UNC5C: variants seen among roughly 807,000 people sequenced by gnomAD.
UNC5C encodes unc-5 netrin receptor C.
In UNC5C, 47 loss-of-function variants were observed where a neutral mutation model predicts 99.8. That is an observed-to-expected ratio of 0.47 (90% CI 0.37 to 0.60). The LOEUF (loss-of-function observed/expected upper bound fraction) is 0.60, where lower values mean the gene tolerates loss of function less well. UNC5C is among the 20% of genes least tolerant of loss of function. UNC5C has a pLI of 0.00. For synonymous variants in UNC5C, 487 were observed against 452.2 expected (o/e 1.08, Z -0.98); for missense variants, 1,062 against 1,165.9 (o/e 0.91, Z 1.30).
chr4:95,248,446 C>T, intron 5 of UNC5C: 1 of 424,146 alleles, frequency 2.4e-6, no homozygotes, highest in East Asian at 7.1e-5. Flanking sequence ...AAGATCGATA[C>T]AGAATTATCT....
chr4:95,531,865 C>A (rs1386537203), intron 1 of UNC5C, among the ~76,000 whole-genome samples: 1 of 152,150 alleles, frequency 6.6e-6, no homozygotes, highest in African/African-American at 2.4e-5. Flanking sequence ...TGATTTTTGG[C>A]ACAACAATAA....
At chr4:95,255,316 A>G (rs1358314617) in intron 4 of UNC5C, among the ~76,000 whole-genome samples, 1 of 152,084 alleles carries the variant, frequency 6.6e-6, no homozygotes, top group African/African-American at 2.4e-5. Context: ...CATGGGTGTA[A>G]ATAGCCATGG....
intron 2 of UNC5C, among the ~76,000 whole-genome samples, chr4:95,327,959 C>T (rs1236248160): frequency 4.0e-5 from 6 of 151,432 alleles, no homozygotes; most frequent in African/African-American, 1.5e-4. Context: ...AACATTTAAG[C>T]CATCCGTGGA....
At chr4:95,401,367 T>C (rs138491100) in intron 1 of UNC5C, among the ~76,000 whole-genome samples, 3 of 152,114 alleles carry the variant, frequency 2.0e-5, no homozygotes, top group Non-Finnish European at 4.4e-5. Flanking sequence ...GCTGTGATGA[T>C]GGCTCACTGC....
chr4:95,198,351 A>C (rs1311114376), intron 12 of UNC5C, among the ~76,000 whole-genome samples: 3 of 152,118 alleles, frequency 2.0e-5, no homozygotes, highest in Non-Finnish European at 4.4e-5. Context: ...GAGAGATGGA[A>C]GGTCAGATGG....
intron 1 of UNC5C, among the ~76,000 whole-genome samples, chr4:95,353,051 C>G (rs995218044): frequency 2.0e-5 from 3 of 152,122 alleles, no homozygotes; most frequent in Non-Finnish European, 4.4e-5. Flanking sequence ...ATCAATATAG[C>G]CTTTAAAATT....
intron 1 of UNC5C, among the ~76,000 whole-genome samples, chr4:95,548,330 C>T (rs999068664): frequency 4.6e-5 from 7 of 152,048 alleles, no homozygotes; most frequent in Non-Finnish European, 8.8e-5. Flanking sequence ...GCGCATCATG[C>T]GCTTCGGGGT....
At chr4:95,470,516 C>T (rs1747935557) in intron 1 of UNC5C, among the ~76,000 whole-genome samples, 1 of 151,988 alleles carries the variant, frequency 6.6e-6, no homozygotes, top group Admixed American at 6.6e-5. Flanking sequence ...TTGGAAGGGG[C>T]AGCCCACCTT....
chr4:95,502,551 G>T (rs1054518527), intron 1 of UNC5C, among the ~76,000 whole-genome samples: 1 of 152,116 alleles, frequency 6.6e-6, no homozygotes, highest in African/African-American at 2.4e-5. Context: ...GAGATTATAG[G>T]GGTGTGCTCG....
At chr4:95,384,830 A>G (rs1745169735) in intron 1 of UNC5C, among the ~76,000 whole-genome samples, 1 of 152,168 alleles carries the variant, frequency 6.6e-6, no homozygotes, top group African/African-American at 2.4e-5. Flanking sequence ...AGAAGAGGGA[A>G]CAAAATTTAA....
intron 1 of UNC5C, among the ~76,000 whole-genome samples, chr4:95,409,626 A>AT: frequency 6.6e-6 from 1 of 152,244 alleles, no homozygotes; most frequent in East Asian, 1.9e-4. Context: ...GGTGGGCACA[A>AT]TTTTTTGGTA....
At chr4:95,444,828 C>T (rs1162347839) in intron 1 of UNC5C, among the ~76,000 whole-genome samples, 1 of 152,168 alleles carries the variant, frequency 6.6e-6, no homozygotes, top group East Asian at 1.9e-4. Flanking sequence ...CAGTCTGCAA[C>T]TCCGCGATTT....
intron 1 of UNC5C, among the ~76,000 whole-genome samples, chr4:95,493,904 C>G (rs2149482182): frequency 6.6e-6 from 1 of 151,548 alleles, no homozygotes; most frequent in South Asian, 2.1e-4. Flanking sequence ...CTACTATGTA[C>G]AGTTAATATT....
chr4:95,428,034 A>G (rs1746532114), intron 1 of UNC5C, among the ~76,000 whole-genome samples: 1 of 150,050 alleles, frequency 6.7e-6, no homozygotes, highest in Admixed American at 6.6e-5. Context: ...TTTCTACTCT[A>G]TGTTAACTAT....
rs190240507 is a variant in UNC5C, at chr4:95,538,725, C to A, written c.124+10009G>T. On this transcript the variant is annotated intron_variant, in intron 1 of 15. Coordinates refer to ENST00000453304, the MANE Select transcript of UNC5C (RefSeq NM_003728.4). ...TGCCAAGTGATATGGGAATGTATGACAATAATAATCAATATATGTTTATAT... is the reference window on the plus strand; with the variant it reads ...TGCCAAGTGATATGGGAATGTATGAAAATAATAATCAATATATGTTTATAT... 1.6e-4 allele frequency among the ~76,000 whole-genome samples: 25 copies of A among 152,030 alleles called. No individual in the cohort carries two copies. The East Asian group carries it at 2.5e-3, about 15-fold the overall frequency.
chr4:95,290,777 G>A (rs565717664), intron 3 of UNC5C, among the ~76,000 whole-genome samples: 3 of 152,258 alleles, frequency 2.0e-5, no homozygotes, highest in Non-Finnish European at 4.4e-5. Flanking sequence ...TTTTATAACC[G>A]CATTTTGCTT....
chr4:95,375,732 C>T (rs1261537163), intron 1 of UNC5C, among the ~76,000 whole-genome samples: 1 of 152,108 alleles, frequency 6.6e-6, no homozygotes, highest in Admixed American at 6.6e-5. Flanking sequence ...TAAGCATGCT[C>T]ATTATTTAGC....
At chr4:95,277,325 A>T (rs1270104778) in intron 4 of UNC5C, among the ~76,000 whole-genome samples, 2 of 152,214 alleles carry the variant, frequency 1.3e-5, no homozygotes. Context: ...TTGGAGGCCA[A>T]CAAGGACCAC....
chr4:95,292,139 C>T (rs1008933453), intron 3 of UNC5C, among the ~76,000 whole-genome samples: 4 of 150,114 alleles, frequency 2.7e-5, no homozygotes, highest in African/African-American at 9.8e-5. Flanking sequence ...GGCCACAAAT[C>T]AGGACTTCTG....
Sources: allele counts gnomAD v4.1 joint callset (sites outside exome capture counted in the v4.1 genomes callset), GRCh38; gene constraint gnomAD v4.1.1; transcripts MANE v1.5; gene names NCBI Gene and HGNC (gene_info 2026-07-23, HGNC 2026-07-21).